The following DCUN1D1 variants were observed in gnomAD, a reference collection of about 807,000 sequenced individuals.
The protein encoded by DCUN1D1 is defective in cullin neddylation 1 domain containing 1.
DCUN1D1 carries 3 observed loss-of-function variants against 39.0 expected under a neutral mutation model. That is an observed-to-expected ratio of 0.08 (90% confidence interval 0.04 to 0.20). The LOEUF is 0.20. Ranked by LOEUF, DCUN1D1 falls within the 10% of genes least tolerant of loss-of-function variation. The pLI is 1.00. For missense variants in DCUN1D1, 158 were observed against 302.4 expected (o/e 0.52, Z 3.54); for synonymous variants, 82 against 96.3 (o/e 0.85, Z 0.87).
intron 1 of DCUN1D1, chr3:182,980,179 C>G (rs891819574): frequency 3.0e-5 from 17 of 564,398 alleles, no homozygotes; most frequent in Admixed American, 6.3e-5. Flanking sequence ...ACGCCTCCCC[C>G]ACCCGCGCCG....
At chr3:182,972,942 T>G (rs897806805) in intron 1 of DCUN1D1, among the ~76,000 whole-genome samples, 1 of 151,994 alleles carries the variant, frequency 6.6e-6, no homozygotes, top group Non-Finnish European at 1.5e-5. Flanking sequence ...CTCAGGAGGC[T>G]GAGGCAGGAA....
chr3:182,943,114 G>GAAAAAAAAAAA lies in DCUN1D1; in HGVS notation c.*1969_*1979dup, dbSNP rs57297234. The GAAAAAAAAAAA allele has an allele frequency of 1.8e-5, 1 of 54,386 alleles. No individual in the cohort carries two copies. Among genetic ancestry groups the GAAAAAAAAAAA allele is most frequent in the Admixed American group, 1.9e-4 (1 of 5,142 alleles). The allele number at this position is 54,386 out of a possible 1,614,324, so 3.4% of individuals were successfully genotyped here. The stretch of plus-strand genomic sequence containing the variant: ...ACTTTTAAAGAAAACACTTTATATT[G>GAAAAAAAAAAA]AAAAAAAAAAAAAAAAAAAAAAGCT... On this transcript the variant is annotated 3_prime_UTR_variant, in exon 7 of 7. Transcript: ENST00000292782.
chr3:182,975,128 C>T (rs945914377), intron 1 of DCUN1D1, among the ~76,000 whole-genome samples: 4 of 151,936 alleles, frequency 2.6e-5, no homozygotes, highest in Non-Finnish European at 1.5e-5. Context: ...GCCACTTGAC[C>T]CAAATGACCT....
chr3:182,970,728 T>C (rs1727894130), intron 1 of DCUN1D1, among the ~76,000 whole-genome samples: 1 of 152,266 alleles, frequency 6.6e-6, no homozygotes, highest in Non-Finnish European at 1.5e-5. Context: ...AATTATCATA[T>C]TGACAGTTTA....
intron 4 of DCUN1D1, among the ~76,000 whole-genome samples, chr3:182,948,813 G>T (rs768242701): frequency 1.3e-5 from 2 of 152,130 alleles, no homozygotes; most frequent in Non-Finnish European, 2.9e-5. Flanking sequence ...ACTTTGGGAG[G>T]TTGAGTCGGG....
At chr3:182,975,157 T>TA (rs1418795840) in intron 1 of DCUN1D1, among the ~76,000 whole-genome samples, 1 of 151,482 alleles carries the variant, frequency 6.6e-6, no homozygotes, top group African/African-American at 2.4e-5. Context: ...AAAACTTTTT[T>TA]AAAAAAATTA....
Position 182,944,935 on chromosome 3 carries a change from C to T in DCUN1D1, c.*159G>A, listed in dbSNP as rs188583532. The T allele has an allele frequency of 1.5e-5, 9 of 591,274 alleles. No individual in the cohort carries two copies. The highest frequency in any genetic ancestry group is 6.6e-5 in the Admixed American group (2 of 30,292). The allele number at this position is 591,274 out of a possible 1,614,324, so 36.6% of individuals were successfully genotyped here. A position where few individuals can be genotyped will look rare whatever the true frequency, so the allele number is the denominator to read the frequency against. ...AAACCACCATTAGAAGAATGAAATA[C>T]GATATGGTCCAAGATGTATCCTTAA... On this transcript the variant is annotated 3_prime_UTR_variant, in exon 7 of 7. Transcript: ENST00000292782.
intron 1 of DCUN1D1, among the ~76,000 whole-genome samples, chr3:182,979,644 T>C (rs1284957762): frequency 7.0e-6 from 1 of 142,660 alleles, no homozygotes; most frequent in African/African-American, 2.5e-5. Context: ...CAAACTGTTT[T>C]AAAAAAAATC....
chr3:182,954,799 T>G (rs1452016689), intron 4 of DCUN1D1, among the ~76,000 whole-genome samples: 2 of 152,146 alleles, frequency 1.3e-5, no homozygotes, highest in Non-Finnish European at 2.9e-5. Context: ...GAGGACCAAT[T>G]TTTGAGGCTA....
chr3:182,966,139 C>T lies in DCUN1D1; in HGVS notation c.4-386G>A, dbSNP rs867128325. Among the ~76,000 whole-genome samples, 5 of 152,004 alleles carry T rather than the reference C, an allele frequency of 3.3e-5. No individual in the cohort carries two copies. The South Asian group carries it at 6.2e-4, about 19-fold the overall frequency. ...CGGGGAAGAAGGTGACATGATCAGACGCAGGGAAGAAGATGACATGATCTG... is the reference window on the plus strand; with the variant it reads ...CGGGGAAGAAGGTGACATGATCAGATGCAGGGAAGAAGATGACATGATCTG... On this transcript the variant is annotated intron_variant, in intron 1 of 6. Coordinates refer to ENST00000292782, the MANE Select transcript of DCUN1D1 (RefSeq NM_020640.4).
chr3:182,951,792 G>A (rs1041599239), intron 4 of DCUN1D1, among the ~76,000 whole-genome samples: 4 of 151,138 alleles, frequency 2.6e-5, no homozygotes, highest in Non-Finnish European at 5.9e-5. Flanking sequence ...CGCCTCCCGG[G>A]TTCAAGTGAT....
In DCUN1D1 at chr3:182,966,533, G is replaced by C. The variant is rs372348256; in HGVS notation, c.4-780C>G. On this transcript the variant is annotated intron_variant, in intron 1 of 6. Coordinates refer to ENST00000292782, the MANE Select transcript of DCUN1D1 (RefSeq NM_020640.4). Reference sequence around the variant, plus strand: ...TCTCAGAGAGGGGAAGAGGTGAAGAGATAATCACCTCTTCTCACTTGCTGC... The same window carrying C: ...TCTCAGAGAGGGGAAGAGGTGAAGACATAATCACCTCTTCTCACTTGCTGC... Among the ~76,000 whole-genome samples the C allele has an allele frequency of 6.6e-5, 10 of 152,180 alleles. No homozygotes were observed. In the South Asian group the frequency reaches 1.2e-3, roughly 19 times the overall value.
At chr3:182,970,303 T>C (rs982031049) in intron 1 of DCUN1D1, among the ~76,000 whole-genome samples, 6 of 152,084 alleles carry the variant, frequency 3.9e-5, no homozygotes, top group Non-Finnish European at 5.9e-5. Flanking sequence ...AGAATCACAT[T>C]TTAAATAATA....
rs535159702 is a variant in DCUN1D1 at position 182,940,821 on chromosome 3, A to G, written c.*4273T>C. 4 of 152,212 alleles carry G rather than the reference A, an allele frequency of 2.6e-5. No individual in the cohort carries two copies. The highest frequency in any genetic ancestry group is 5.9e-5 in the Non-Finnish European group (4 of 68,028). The allele number at this position is 152,212 out of a possible 1,614,324, so 9.4% of individuals were successfully genotyped here. ...TCATGAAGCACTTGTAAGTAAATAG[A>G]AAATTGGGCTATACTTAAAAACACT... On this transcript the variant is annotated 3_prime_UTR_variant, in exon 7 of 7. Transcript: ENST00000292782.
At chr3:182,950,436 G>A (rs538285073) in intron 4 of DCUN1D1, among the ~76,000 whole-genome samples, 17 of 152,034 alleles carry the variant, frequency 1.1e-4, no homozygotes, top group Middle Eastern at 3.4e-3. Context: ...ATGAGCCACC[G>A]CGCCCAGCCA....
At chr3:182,965,040 C>T (rs2067956840) in intron 2 of DCUN1D1, among the ~76,000 whole-genome samples, 1 of 152,056 alleles carries the variant, frequency 6.6e-6, no homozygotes, top group African/African-American at 2.4e-5. Context: ...AATAAATATC[C>T]CATTTTCAGA....
chr3:182,945,551 C>T (rs1007179342), intron 6 of DCUN1D1, among the ~76,000 whole-genome samples: 1 of 152,046 alleles, frequency 6.6e-6, no homozygotes, highest in Admixed American at 6.5e-5. Flanking sequence ...GCAGTGAGAT[C>T]GCGCCACTGC....
chr3:182,952,548 T>A (rs569188700), intron 4 of DCUN1D1, among the ~76,000 whole-genome samples: 1 of 152,284 alleles, frequency 6.6e-6, no homozygotes, highest in East Asian at 1.9e-4. Flanking sequence ...ATCTTACCTC[T>A]ATAGACCTGC....
At chr3:182,957,668 C>A (rs1035944508) in intron 4 of DCUN1D1, among the ~76,000 whole-genome samples, 14 of 151,900 alleles carry the variant, frequency 9.2e-5, no homozygotes, top group African/African-American at 3.1e-4. Flanking sequence ...ATTACTAAAG[C>A]AGATGGCAAC....
Sources: gnomAD v4.1 joint callset for allele counts (sites outside exome capture counted in the v4.1 genomes callset) on GRCh38, gnomAD v4.1.1 for gene constraint, MANE v1.5 for transcripts, NCBI Gene and HGNC (gene_info 2026-07-23, HGNC 2026-07-21) for gene names.